The following MAP3K20 variants were observed in gnomAD, a reference collection of about 807,000 sequenced individuals.
MAP3K20 encodes mitogen-activated protein kinase kinase kinase 20, also known as HCCS-4.
Under a neutral mutation model 85.7 loss-of-function variants are expected in MAP3K20, and 40 were observed. The ratio of observed to expected loss-of-function variants is 0.47; its 90% CI spans 0.36 to 0.61. MAP3K20 has a LOEUF of 0.61. MAP3K20 is among the 20% of genes least tolerant of loss of function. The pLI is 0.00. For synonymous variants in MAP3K20, 325 were observed against 327.7 expected, an observed-to-expected ratio of 0.99 and a Z score of 0.09; for missense variants, 817 against 961.7, an observed-to-expected ratio of 0.85 and a Z score of 1.99.
chr2:173,250,147 T>C (rs146675902), intron 16 of MAP3K20, among the ~76,000 whole-genome samples: 41 of 152,378 alleles, frequency 2.7e-4, no homozygotes, highest in African/African-American at 9.6e-4. Context: ...TTTCCTTTCT[T>C]GTATTTTAAA....
rs60007542 is a variant in MAP3K20 at position 173,219,155 on chromosome 2, T to C, written c.987+1905T>C. Among the ~76,000 whole-genome samples the C allele has an allele frequency of 9.3e-3, 1,419 of 152,346 alleles. 25 individuals carry two copies. Among genetic ancestry groups the C allele is most frequent in the African/African-American group, 0.03 (1,255 of 41,568 alleles). On this transcript the variant is annotated intron_variant, in intron 11 of 19. Coordinates refer to ENST00000375213, the MANE Select transcript of MAP3K20 (RefSeq NM_016653.3). ...GTCCTCACATCAGTTTCTGTTTAGC[T>C]TTAACTGAGATTTCTTAGAGAAAGA...
chr2:173,219,917 A>T (rs1176719478), intron 11 of MAP3K20, among the ~76,000 whole-genome samples: 1 of 151,920 alleles, frequency 6.6e-6, no homozygotes, highest in African/African-American at 2.4e-5. Flanking sequence ...AAATACAAAA[A>T]ATTAGCTGGG....
intron 16 of MAP3K20, among the ~76,000 whole-genome samples, chr2:173,250,262 A>G (rs936252518): frequency 6.6e-6 from 1 of 152,180 alleles, no homozygotes; most frequent in Non-Finnish European, 1.5e-5. Context: ...TCAGCTGTTC[A>G]TTGTGCCATC....
chr2:173,182,791 A>T (rs542098908), intron 3 of MAP3K20, 63 bp from the exon 4 acceptor site: 30 of 1,136,528 alleles, frequency 2.6e-5, no homozygotes, highest in African/African-American at 6.5e-5. Flanking sequence ...ATGAAAATAT[A>T]AAGTCTTATT....
intron 2 of MAP3K20, chr2:173,160,000 C>T (rs756877924): frequency 1.3e-5 from 2 of 152,158 alleles, no homozygotes; most frequent in Admixed American, 1.3e-4. Flanking sequence ...ACTGGTGACT[C>T]CATCTCAGTT....
intron 2 of MAP3K20, among the ~76,000 whole-genome samples, chr2:173,118,337 G>A (rs1430449879): frequency 6.6e-6 from 1 of 152,106 alleles, no homozygotes; most frequent in African/African-American, 2.4e-5. Context: ...CCTAACCCAC[G>A]GAGTTTATGG....
At chr2:173,178,224 A>C (rs932803636) in intron 3 of MAP3K20, among the ~76,000 whole-genome samples, 5 of 152,262 alleles carry the variant, frequency 3.3e-5, no homozygotes, top group African/African-American at 4.8e-5. Flanking sequence ...AGAAGTTTAT[A>C]AGGATTATAA....
intron 2 of MAP3K20, among the ~76,000 whole-genome samples, chr2:173,112,919 A>G (rs1416162376): frequency 6.6e-6 from 1 of 152,084 alleles, no homozygotes; most frequent in African/African-American, 2.4e-5. Context: ...TATTAGGGTG[A>G]TGCTGGCTTC....
intron 2 of MAP3K20, 40 bp downstream of exon 2, chr2:173,091,230 A>G (rs756406867): frequency 3.8e-6 from 6 of 1,591,124 alleles, no homozygotes; most frequent in Non-Finnish European, 5.1e-6. Context: ...TCACGATACC[A>G]TTTATGTAAG....
chr2:173,238,417 C>T lies in MAP3K20; in HGVS notation c.1248C>T (p.His416=), dbSNP rs1326885001. The change falls in exon 15 of 20, where the codon CAC becomes CAT. Residue 416 remains histidine (H), a synonymous_variant. Coordinates refer to ENST00000375213, the MANE Select transcript of MAP3K20 (RefSeq NM_016653.3). ...KLTHDYINLF[H]FPPLIKDSGG... is the part of the protein sequence containing the mutation. ...CCCATGATTACATAAATTTGTTTCA[C>T]TTCCCACCACTAATTAAGGTAAGTA... 2.5e-6 allele frequency: 4 copies of T among 1,612,630 alleles called. No individual in the cohort carries two copies.
At chr2:173,151,707 C>T (rs1252167416) in intron 2 of MAP3K20, among the ~76,000 whole-genome samples, 6 of 152,198 alleles carry the variant, frequency 3.9e-5, no homozygotes, top group South Asian at 2.1e-4. Context: ...CAGATTGCCT[C>T]GTTTGAATTT....
At chr2:173,239,973 T>C (rs1028371255) in intron 16 of MAP3K20, among the ~76,000 whole-genome samples, 18 of 152,352 alleles carry the variant, frequency 1.2e-4, no homozygotes, top group African/African-American at 4.1e-4. Context: ...ATTTTGAAAG[T>C]CTGCAAAAAT....
At chr2:173,083,356 T>A (rs1166081703) in intron 1 of MAP3K20, among the ~76,000 whole-genome samples, 7 of 151,822 alleles carry the variant, frequency 4.6e-5, no homozygotes, top group Admixed American at 2.0e-4. Context: ...ATTTTTTTAT[T>A]TTTTATTTTT....
At chr2:173,210,037 T>C (rs1307133538) in intron 10 of MAP3K20, 3 of 568,892 alleles carry the variant, frequency 5.3e-6, no homozygotes, top group Non-Finnish European at 9.4e-6. Flanking sequence ...TCCAAGCTTG[T>C]TGCCTTGTGT....
At chr2:173,256,939 C>T (rs1685175787) in intron 16 of MAP3K20, among the ~76,000 whole-genome samples, 1 of 152,074 alleles carries the variant, frequency 6.6e-6, no homozygotes, top group Non-Finnish European at 1.5e-5. Context: ...ATCACTTGAG[C>T]CCAGGAATTT....
At position 173,099,437 on chromosome 2, in the gene MAP3K20, A is replaced by C. The variant is rs548183776; in HGVS notation, c.159+8247A>C. Among the ~76,000 whole-genome samples, 7 of 151,538 alleles carry C rather than the reference A, an allele frequency of 4.6e-5. No individual in the cohort carries two copies. In the East Asian group the frequency reaches 1.4e-3, roughly 29 times the overall value. ...TGGGCTCAAGCCATCCTCCCAGCTC[A>C]GTCTCCCAAGTGGCTGAGATTAACA... On this transcript the variant is annotated intron_variant, in intron 2 of 19. Transcript: ENST00000375213.
intron 11 of MAP3K20, chr2:173,222,605 G>T: frequency 2.0e-6 from 2 of 985,246 alleles, no homozygotes; most frequent in Non-Finnish European, 2.4e-6. Context: ...TTTTTAGAGG[G>T]GCATAATAAT....
chr2:173,085,784 ATTTTT>A (rs61431056), intron 1 of MAP3K20, among the ~76,000 whole-genome samples: 32 of 73,754 alleles, frequency 4.3e-4, no homozygotes, highest in Non-Finnish European at 6.2e-4. Context: ...TGTAAAAGCA[ATTTTT>A]TTTTTTTTTT....
chr2:173,205,638 A>ACTGTG (rs1427294976), intron 9 of MAP3K20, among the ~76,000 whole-genome samples: 3 of 151,884 alleles, frequency 2.0e-5, no homozygotes, highest in Non-Finnish European at 4.4e-5. Flanking sequence ...CCAGCAACAA[A>ACTGTG]CTGTGCTGCG....
Sources: allele counts gnomAD v4.1 joint callset (sites outside exome capture counted in the v4.1 genomes callset), GRCh38; gene constraint gnomAD v4.1.1; transcripts MANE v1.5; gene names NCBI Gene and HGNC (gene_info 2026-07-23, HGNC 2026-07-21).